The following MOB3B variants were observed in gnomAD, a reference collection of about 807,000 sequenced individuals.
MOB3B encodes MOB kinase activator-like 2B.
A neutral mutation model predicts 18.7 loss-of-function variants in MOB3B; 7 were observed. The observed-to-expected ratio is 0.37, with a 90% CI of 0.21 to 0.70. The LOEUF (loss-of-function observed/expected upper bound fraction) is 0.70. Among genes scored for constraint, MOB3B ranks in the 30% least tolerant of loss-of-function variants. The probability of loss-of-function intolerance (pLI) is 0.52; values close to 1 mark genes in which losing one functional copy is unlikely to be tolerated. For synonymous variants in MOB3B, 111 were observed against 99.9 expected, an observed-to-expected ratio of 1.11 and a Z score of -0.66; for missense variants, 253 against 281.3, an observed-to-expected ratio of 0.90 and a Z score of 0.72.
intron 1 of MOB3B, among the ~76,000 whole-genome samples, chr9:27,488,051 G>A (rs182134460): frequency 2.6e-5 from 4 of 152,332 alleles, no homozygotes; most frequent in Admixed American, 2.6e-4. Flanking sequence ...CTCCCCTTGA[G>A]TCAGGTGACC....
chr9:27,489,930 A>G (rs1819790282), intron 1 of MOB3B, among the ~76,000 whole-genome samples: 1 of 152,002 alleles, frequency 6.6e-6, no homozygotes, highest in African/African-American at 2.4e-5. Flanking sequence ...ATTCATTCAC[A>G]TATATAGTAA....
intron 2 of MOB3B, among the ~76,000 whole-genome samples, chr9:27,389,860 A>G (rs1383336448): frequency 6.6e-6 from 1 of 152,150 alleles, no homozygotes; most frequent in African/African-American, 2.4e-5. Flanking sequence ...CCGAGGAGAC[A>G]TCACCACTTG....
At chr9:27,380,262 ATTTTT>A (rs551179750) in intron 2 of MOB3B, among the ~76,000 whole-genome samples, 70 of 135,416 alleles carry the variant, frequency 5.2e-4, no homozygotes, top group African/African-American at 9.6e-4. Flanking sequence ...AAGAGATAGG[ATTTTT>A]TTTTTTTTTT....
chr9:27,335,177 T>C (rs1031918272), intron 3 of MOB3B, among the ~76,000 whole-genome samples: 4 of 152,240 alleles, frequency 2.6e-5, no homozygotes, highest in African/African-American at 9.6e-5. Context: ...TCATCATGCT[T>C]GCACAGCAAT....
chr9:27,420,492 A>G (rs1587200043), intron 2 of MOB3B, among the ~76,000 whole-genome samples: 1 of 144,638 alleles, frequency 6.9e-6, no homozygotes, highest in East Asian at 2.0e-4. Flanking sequence ...TATTTCATAT[A>G]TATTCCATCT....
intron 1 of MOB3B, among the ~76,000 whole-genome samples, chr9:27,469,616 A>G (rs1414146968): frequency 3.9e-5 from 6 of 152,204 alleles, no homozygotes; most frequent in African/African-American, 1.4e-4. Context: ...ATTAAAAACA[A>G]AAACAAACAG....
intron 1 of MOB3B, among the ~76,000 whole-genome samples, chr9:27,478,933 T>C (rs1587244685): frequency 6.6e-6 from 1 of 151,254 alleles, no homozygotes; most frequent in South Asian, 2.1e-4. Context: ...ACAAACTTAA[T>C]AATGGCAATT....
intron 1 of MOB3B, among the ~76,000 whole-genome samples, chr9:27,513,192 G>T (rs1820172057): frequency 6.6e-6 from 1 of 152,146 alleles, no homozygotes; most frequent in African/African-American, 2.4e-5. Context: ...GGTGATCACA[G>T]ATATTAACCT....
chr9:27,496,329 T>G (rs1053710121), intron 1 of MOB3B, among the ~76,000 whole-genome samples: 1 of 152,170 alleles, frequency 6.6e-6, no homozygotes, highest in Non-Finnish European at 1.5e-5. Flanking sequence ...AGTGTTAAGT[T>G]TCAATGGACA....
chr9:27,494,285 T>C (rs1487996446), intron 1 of MOB3B, among the ~76,000 whole-genome samples: 1 of 152,198 alleles, frequency 6.6e-6, no homozygotes, highest in African/African-American at 2.4e-5. Context: ...CTGCCTCCAC[T>C]TGCCTTGTGA....
chr9:27,358,403 A>G (rs1242030191), intron 3 of MOB3B, among the ~76,000 whole-genome samples: 1 of 152,194 alleles, frequency 6.6e-6, no homozygotes, highest in Non-Finnish European at 1.5e-5. Context: ...AAGAAAATAA[A>G]AGTAGTCCCC....
In MOB3B at chr9:27,352,371, C is replaced by CAAA. The variant is rs372959856; in HGVS notation, c.621+6660_621+6662dup. ...TGGGTGACAGAGTGAGACCCTGTCT[C>CAAA]AAAAAAAAAAAAAAAAAAAAGTAAC... On this transcript the variant is annotated intron_variant, in intron 3 of 3. Transcript: ENST00000262244. 8.6e-3 allele frequency among the ~76,000 whole-genome samples: 585 copies of CAAA among 68,304 alleles called. 6 individuals carry two copies. The highest frequency in any genetic ancestry group is 0.013 in the Non-Finnish European group (393 of 30,494). The allele number at this position is 68,304 out of a possible 152,430, so 44.8% of individuals were successfully genotyped here. A position where few individuals can be genotyped will look rare whatever the true frequency, so the allele number is the denominator to read the frequency against.
At chr9:27,428,812 C>T (rs62541566) in intron 2 of MOB3B, among the ~76,000 whole-genome samples, 26,337 of 152,064 alleles carry the variant, frequency 0.17, 2,588 homozygotes, top group Middle Eastern at 0.26. Context: ...AATGGTAACC[C>T]ATGTAGATAA....
chr9:27,326,482 C>T lies in MOB3B; in HGVS notation c.*4105G>A, dbSNP rs1014702106. ...GAAACTCAAAAAGAATACTTCAGCT[C>T]GAGTTGAATGGAATTCAAGATGTTG... On this transcript the variant is annotated 3_prime_UTR_variant, in exon 4 of 4. Coordinates refer to ENST00000262244, the MANE Select transcript of MOB3B (RefSeq NM_024761.5). 7.5e-6 allele frequency: 3 copies of T among 398,394 alleles called. No homozygotes were observed. The highest frequency in any genetic ancestry group is 1.3e-5 in the Non-Finnish European group (3 of 226,052). The allele number at this position is 398,394 out of a possible 1,614,324, so 24.7% of individuals were successfully genotyped here. A position where few individuals can be genotyped will look rare whatever the true frequency, so the allele number is the denominator to read the frequency against.
chr9:27,453,703 G>A (rs1822827710), intron 2 of MOB3B, among the ~76,000 whole-genome samples: 1 of 152,088 alleles, frequency 6.6e-6, no homozygotes, highest in Non-Finnish European at 1.5e-5. Context: ...ACAGGGGGAA[G>A]GACAAAGAGG....
chr9:27,452,761 G>A (rs1018834793), intron 2 of MOB3B, among the ~76,000 whole-genome samples: 7 of 152,134 alleles, frequency 4.6e-5, no homozygotes, highest in African/African-American at 1.4e-4. Context: ...AATATGCCTG[G>A]CACAGAATAA....
intron 1 of MOB3B, among the ~76,000 whole-genome samples, chr9:27,466,066 G>A (rs1419468919): frequency 1.3e-5 from 2 of 152,132 alleles, no homozygotes; most frequent in Non-Finnish European, 2.9e-5. Flanking sequence ...CAAAAAATGG[G>A]TTTTTCTTTT....
chr9:27,494,703 C>G (rs1443602684), intron 1 of MOB3B, among the ~76,000 whole-genome samples: 1 of 152,016 alleles, frequency 6.6e-6, no homozygotes, highest in East Asian at 1.9e-4. Flanking sequence ...TTAATAGAGA[C>G]GGGGTTTCAC....
intron 2 of MOB3B, among the ~76,000 whole-genome samples, chr9:27,434,924 C>T (rs1228267501): frequency 1.3e-5 from 2 of 152,162 alleles, no homozygotes; most frequent in Non-Finnish European, 2.9e-5. Flanking sequence ...TAAAATATGT[C>T]TCTTGGCATG....
Sources: allele counts gnomAD v4.1 joint callset (sites outside exome capture counted in the v4.1 genomes callset), GRCh38; gene constraint gnomAD v4.1.1; transcripts MANE v1.5; gene names NCBI Gene and HGNC (gene_info 2026-07-23, HGNC 2026-07-21).